LRRFIP2: variants seen among roughly 807,000 people sequenced by gnomAD.
LRRFIP2 encodes leucine-rich repeat flightless-interacting protein 2.
Under a neutral mutation model 125.9 loss-of-function variants are expected in LRRFIP2, and 109 were observed. The ratio of observed to expected loss-of-function variants is 0.87; its 90% CI spans 0.74 to 1.01. The LOEUF (loss-of-function observed/expected upper bound fraction) is 1.01, where lower values mean the gene tolerates loss of function less well. LRRFIP2 is among the 50% of genes least tolerant of loss of function. The pLI, the probability that LRRFIP2 is intolerant of heterozygous loss-of-function variation, is 0.00. For missense variants in LRRFIP2, 850 were observed against 862.3 expected (o/e 0.99, Z 0.18); for synonymous variants, 291 against 293.1 (o/e 0.99, Z 0.07).
chr3:37,113,385 G>A (rs2094628006), intron 7 of LRRFIP2, among the ~76,000 whole-genome samples: 2 of 152,078 alleles, frequency 1.3e-5, no homozygotes, highest in Non-Finnish European at 1.5e-5. Context: ...ATGGCTCACT[G>A]CAGCCTAGAA....
intron 14 of LRRFIP2, among the ~76,000 whole-genome samples, chr3:37,104,512 T>C (rs1024105756): frequency 6.6e-6 from 1 of 152,236 alleles, no homozygotes; most frequent in Non-Finnish European, 1.5e-5. Flanking sequence ...AATGTTCCCC[T>C]TCTCTATGAA....
chr3:37,072,933 A>T (rs1480698173), intron 20 of LRRFIP2, 51 bp from the exon 21 acceptor site: 2 of 1,243,920 alleles, frequency 1.6e-6, no homozygotes. Flanking sequence ...AAGAAAAGGG[A>T]GAGGAGGTTT....
In LRRFIP2 at chr3:37,129,978, G is replaced by C. The variant is rs148952369; in HGVS notation, c.91-829C>G. On this transcript the variant is annotated intron_variant, in intron 2 of 27. Coordinates refer to ENST00000336686, the MANE Select transcript of LRRFIP2 (RefSeq NM_006309.4). ...ACTGCACTGCAGCCTAGATGACAGA[G>C]TGAGACGCTGTCTCAAAAATAAATA... Among the ~76,000 whole-genome samples the C allele has an allele frequency of 7.1e-3, 1,081 of 152,278 alleles. 8 individuals carry two copies. Among genetic ancestry groups the C allele is most frequent in the Non-Finnish European group, 0.01 (698 of 68,026 alleles).
chr3:37,145,374 G>A (rs1429825416), intron 2 of LRRFIP2, among the ~76,000 whole-genome samples: 1 of 152,152 alleles, frequency 6.6e-6, no homozygotes, highest in Non-Finnish European at 1.5e-5. Flanking sequence ...GATCTGCAAT[G>A]ATACATTTAA....
At chr3:37,081,014 T>C (rs2092595868) in intron 19 of LRRFIP2, among the ~76,000 whole-genome samples, 1 of 152,210 alleles carries the variant, frequency 6.6e-6, no homozygotes, top group African/African-American at 2.4e-5. Flanking sequence ...CTGGGCAAAG[T>C]GGCTCATGCC....
intron 18 of LRRFIP2, among the ~76,000 whole-genome samples, chr3:37,087,592 C>CT (rs764949237): frequency 0.026 from 3,779 of 144,930 alleles, 138 homozygotes; most frequent in African/African-American, 0.077. Flanking sequence ...TTAAATGCTT[C>CT]TTTTTTTTTT....
rs572845146 is a variant in LRRFIP2, at chr3:37,103,604, G to A, written c.784-591C>T. Among the ~76,000 whole-genome samples, 5 of 151,976 alleles carry A rather than the reference G, an allele frequency of 3.3e-5. No individual in the cohort carries two copies. In the South Asian group the frequency reaches 6.2e-4, roughly 19 times the overall value. On this transcript the variant is annotated intron_variant, in intron 14 of 27. Coordinates refer to ENST00000336686, the MANE Select transcript of LRRFIP2 (RefSeq NM_006309.4). ...TTAGGCCTTGGCACTGGCCTAGAAC[G>A]CTCCCCTCCCAGCTCTTCAAGCAAC... is the stretch of plus-strand genomic sequence containing the variant.
intron 21 of LRRFIP2, among the ~76,000 whole-genome samples, chr3:37,069,115 T>C (rs980814344): frequency 3.9e-5 from 6 of 152,146 alleles, no homozygotes; most frequent in African/African-American, 1.2e-4. Flanking sequence ...CATGGAGAAA[T>C]TGGAACCCTT....
chr3:37,134,095 T>C (rs953957204), intron 2 of LRRFIP2, among the ~76,000 whole-genome samples: 1 of 150,764 alleles, frequency 6.6e-6, no homozygotes, highest in African/African-American at 2.4e-5. Flanking sequence ...GGCAGAAGAA[T>C]CGCTTGAACC....
Position 37,091,514 on chromosome 3 carries a change from T to C in LRRFIP2, c.1060A>G (p.Ile354Val). Residue 354 changes from isoleucine to valine, a missense_variant, in exon 18 of 28, where the codon ATA becomes GTA. Ile to Val is a conservative substitution (Grantham distance 29). Coordinates refer to ENST00000336686, the MANE Select transcript of LRRFIP2 (RefSeq NM_006309.4). ...ATGTATCTCCCTTCTACATCCTGTA[T>C]CTGGTCCTTAAGGTCATAGATATCC... Reference protein sequence around the residue: ...LRDIYDLKDQIQDVEGRYMQG... With the variant: ...LRDIYDLKDQVQDVEGRYMQG... 2 of 1,611,746 alleles carry C rather than the reference T, an allele frequency of 1.2e-6. No homozygotes were observed. Among genetic ancestry groups the C allele is most frequent in the Non-Finnish European group, 1.7e-6 (2 of 1,179,004 alleles).
intron 27 of LRRFIP2, 143 bp from the exon 28 acceptor site, chr3:37,054,104 T>G: frequency 1.6e-6 from 1 of 639,498 alleles, no homozygotes; most frequent in South Asian, 1.9e-5. Context: ...TTCTATCAGT[T>G]AGAGGTGTTA....
At chr3:37,170,446 C>G (rs1417864431) in intron 1 of LRRFIP2, 1 of 152,148 alleles carries the variant, frequency 6.6e-6, no homozygotes, top group African/African-American at 2.4e-5. Context: ...ATAGTACAAA[C>G]TAAGAGTTTA....
At chr3:37,080,475 C>A (rs1003000437) in intron 19 of LRRFIP2, among the ~76,000 whole-genome samples, 1 of 151,646 alleles carries the variant, frequency 6.6e-6, no homozygotes, top group Non-Finnish European at 1.5e-5. Flanking sequence ...AAAATCAGAA[C>A]ATCCCATTTT....
At chr3:37,056,494 C>T (rs1403313809) in intron 25 of LRRFIP2, among the ~76,000 whole-genome samples, 15 of 151,412 alleles carry the variant, frequency 9.9e-5, no homozygotes, top group Non-Finnish European at 1.5e-5. Flanking sequence ...CGCTCTGTCG[C>T]CCAGGCTAGA....
chr3:37,057,141 C>T (rs1474362338), intron 25 of LRRFIP2, among the ~76,000 whole-genome samples: 2 of 152,190 alleles, frequency 1.3e-5, no homozygotes, highest in Admixed American at 6.5e-5. Context: ...ACACCTCCTG[C>T]CTGGGTACTT....
At chr3:37,124,185 T>C (rs576466414) in intron 4 of LRRFIP2, among the ~76,000 whole-genome samples, 13 of 152,362 alleles carry the variant, frequency 8.5e-5, no homozygotes, top group Middle Eastern at 6.8e-3. Flanking sequence ...TACTGAGCAC[T>C]TGAAATGCAA....
intron 4 of LRRFIP2, among the ~76,000 whole-genome samples, chr3:37,126,558 T>A: frequency 6.6e-6 from 1 of 150,968 alleles, no homozygotes. Flanking sequence ...TCACAGAGGT[T>A]TAAAAAAAAA....
chr3:37,107,226 T>G (rs1011315804), intron 13 of LRRFIP2, among the ~76,000 whole-genome samples: 8 of 152,094 alleles, frequency 5.3e-5, no homozygotes, highest in African/African-American at 1.7e-4. Context: ...AAATGTATAC[T>G]TACGCACTAA....
At chr3:37,167,562 G>A (rs918676255) in intron 1 of LRRFIP2, among the ~76,000 whole-genome samples, 2 of 151,134 alleles carry the variant, frequency 1.3e-5, no homozygotes, top group African/African-American at 4.9e-5. Flanking sequence ...GCTAAGGCAG[G>A]AGAATCGCTT....
Sources: allele counts gnomAD v4.1 joint callset (sites outside exome capture counted in the v4.1 genomes callset), GRCh38; gene constraint gnomAD v4.1.1; transcripts MANE v1.5; gene names NCBI Gene and HGNC (gene_info 2026-07-23, HGNC 2026-07-21).